BIRC6: variants seen among roughly 807,000 people sequenced by gnomAD.
BIRC6 encodes dual E2 ubiquitin-conjugating enzyme/E3 ubiquitin-protein ligase BIRC6.
Under a neutral mutation model 503.3 loss-of-function variants are expected in BIRC6, and 98 were observed. The observed-to-expected ratio is 0.19, with a 90% CI of 0.17 to 0.23. The LOEUF is 0.23. Among genes scored for constraint, BIRC6 ranks in the 10% least tolerant of loss-of-function variants. The probability of loss-of-function intolerance (pLI) is 1.00; values close to 1 mark genes in which losing one functional copy is unlikely to be tolerated. For missense variants in BIRC6, 5,360 were observed against 5,806.0 expected (o/e 0.92, Z 2.50); for synonymous variants, 2,240 against 2,078.7 (o/e 1.08, Z -2.11).
At chr2:32,565,792 C>G (rs559493415) in intron 65 of BIRC6, 10 of 152,396 alleles carry the variant, frequency 6.6e-5, no homozygotes, top group African/African-American at 2.4e-4. Flanking sequence ...TGTCCTTCTT[C>G]ACATGGCAGC....
rs2044005722 is a variant in BIRC6 at position 32,430,781 on chromosome 2, A to C, written c.3023-84A>C. ...GTTGCAATAGAAAACCTACCCATGA[A>C]TTAAAACTTCACTTCATTGTCTTCT... On this transcript the variant is annotated intron_variant, in intron 11 of 73. Coordinates refer to ENST00000421745, the MANE Select transcript of BIRC6 (RefSeq NM_016252.4). The C allele has an allele frequency of 6.4e-6, 7 of 1,085,364 alleles. No individual in the cohort carries two copies. In the South Asian group the frequency reaches 1.1e-4, roughly 17 times the overall value. 67.2% of individuals were successfully genotyped at this position (1,085,364 alleles called of 1,614,324 possible). A position where few individuals can be genotyped will look rare whatever the true frequency, so the allele number is the denominator to read the frequency against.
At chr2:32,464,454 C>G in intron 24 of BIRC6, 55 bp from the exon 25 acceptor site, 1 of 1,474,990 alleles carries the variant, frequency 6.8e-7, no homozygotes. Context: ...GGTATTCTGC[C>G]ACAATTTAGG....
chr2:32,516,300 G>A (rs1438486244), intron 55 of BIRC6, among the ~76,000 whole-genome samples: 3 of 151,800 alleles, frequency 2.0e-5, no homozygotes, highest in African/African-American at 7.3e-5. Context: ...GATTGCCTGA[G>A]GTCAGGAGTT....
intron 60 of BIRC6, among the ~76,000 whole-genome samples, chr2:32,530,952 T>C (rs1295354886): frequency 6.6e-6 from 1 of 152,266 alleles, no homozygotes; most frequent in Non-Finnish European, 1.5e-5. Context: ...CTTTAGAGCA[T>C]ATTATTTGCT....
chr2:32,411,970 G>A (rs2041940327), intron 9 of BIRC6, among the ~76,000 whole-genome samples: 1 of 152,042 alleles, frequency 6.6e-6, no homozygotes, highest in Non-Finnish European at 1.5e-5. Flanking sequence ...TCTGGAAACG[G>A]GGTTTTACTG....
At chr2:32,584,814 A>G (rs923095636) in intron 66 of BIRC6, among the ~76,000 whole-genome samples, 9 of 152,182 alleles carry the variant, frequency 5.9e-5, no homozygotes, top group African/African-American at 2.2e-4. Context: ...CTTAGTATTC[A>G]CCCATCAAGG....
At chr2:32,447,021 T>G (rs1364652545) in intron 21 of BIRC6, among the ~76,000 whole-genome samples, 1 of 125,032 alleles carries the variant, frequency 8.0e-6, no homozygotes, top group East Asian at 2.2e-4. Flanking sequence ...TTAATCCATT[T>G]AACCCTGAGT....
chr2:32,553,291 G>A (rs1472840921), intron 65 of BIRC6, among the ~76,000 whole-genome samples: 1 of 244 alleles, frequency 4.1e-3, no homozygotes, highest in African/African-American at 0.015. Context: ...AAAGATTTTT[G>A]TGACTAACAG....
At chr2:32,540,929 T>C (rs573817190) in intron 61 of BIRC6, among the ~76,000 whole-genome samples, 3 of 152,168 alleles carry the variant, frequency 2.0e-5, no homozygotes, top group East Asian at 1.9e-4. Context: ...ATCTGTATAA[T>C]GGGTGATGGG....
intron 45 of BIRC6, among the ~76,000 whole-genome samples, chr2:32,496,895 G>A (rs1280520693): frequency 2.6e-5 from 4 of 152,062 alleles, no homozygotes; most frequent in Admixed American, 6.6e-5. Flanking sequence ...GTACTCGTTC[G>A]GACTTCAAGT....
At chr2:32,527,258 TG>T (rs2056351921) in intron 59 of BIRC6, 1 of 152,214 alleles carries the variant, frequency 6.6e-6, no homozygotes, top group South Asian at 2.1e-4. Context: ...ACCAGTGGCT[TG>T]TATGTACTGC....
intron 46 of BIRC6, among the ~76,000 whole-genome samples, chr2:32,500,600 GTTTTTGTTTTT>G (rs2053057116): frequency 9.7e-6 from 1 of 103,046 alleles, no homozygotes; most frequent in African/African-American, 3.2e-5. Flanking sequence ...TTTTGTTTTT[GTTTTTGTTTTT>G]TTTTTTTTTT....
chr2:32,617,664 C>T, intron 73 of BIRC6, 61 bp from the exon 74 acceptor site: 2 of 1,502,776 alleles, frequency 1.3e-6, no homozygotes, highest in Non-Finnish European at 1.8e-6. Flanking sequence ...CAGTTCCTGC[C>T]TCAAATGATG....
chr2:32,573,676 A>G (rs921019319), intron 65 of BIRC6, among the ~76,000 whole-genome samples: 2 of 152,244 alleles, frequency 1.3e-5, no homozygotes, highest in Non-Finnish European at 2.9e-5. Flanking sequence ...ACTCTTAGAT[A>G]CAAATAATTT....
chr2:32,469,299 T>G, intron 29 of BIRC6, 96 bp from the exon 30 acceptor site: 1 of 868,192 alleles, frequency 1.2e-6, no homozygotes, highest in East Asian at 2.7e-5. Context: ...TATCTACTGA[T>G]TACTAGAAAA....
chr2:32,496,255 TTGCTC>T (rs1385830081), intron 45 of BIRC6, among the ~76,000 whole-genome samples: 2 of 152,220 alleles, frequency 1.3e-5, no homozygotes, highest in African/African-American at 4.8e-5. Context: ...TGAGACAACT[TTGCTC>T]TGTCGCCCAG....
In BIRC6 at chr2:32,518,085, TA is replaced by T. The variant is rs376934502; in HGVS notation, c.11350-157del. Among the ~76,000 whole-genome samples, 926 of 145,282 alleles carry T rather than the reference TA, an allele frequency of 6.4e-3. 7 individuals are homozygous for T. Among genetic ancestry groups the T allele is most frequent in the Non-Finnish European group, 9.6e-3 (631 of 65,942 alleles). On this transcript the variant is annotated intron_variant, in intron 55 of 73. Coordinates refer to ENST00000421745, the MANE Select transcript of BIRC6 (RefSeq NM_016252.4). Reference sequence around the variant, plus strand: ...AAGATAAAATCATTTCTTTCCTCCTTAAAAAAAAAAAACTTAACTACTAGAC... The same window carrying T: ...AAGATAAAATCATTTCTTTCCTCCTTAAAAAAAAAAACTTAACTACTAGAC...
intron 26 of BIRC6, 54 bp from the exon 27 acceptor site, chr2:32,467,471 A>G (rs1314798007): frequency 1.5e-6 from 2 of 1,377,410 alleles, no homozygotes; most frequent in Non-Finnish European, 2.1e-6. Flanking sequence ...TTTTGAGTGT[A>G]TCATTTGGTT....
At chr2:32,510,696 G>A (rs1434690277) in intron 53 of BIRC6, 62 bp downstream of exon 53, 10 of 1,129,392 alleles carry the variant, frequency 8.9e-6, no homozygotes, top group Non-Finnish European at 1.3e-5. Context: ...TATAGTAAAT[G>A]TTTCTGACAG....
Sources: allele counts gnomAD v4.1 joint callset (sites outside exome capture counted in the v4.1 genomes callset), GRCh38; gene constraint gnomAD v4.1.1; transcripts MANE v1.5; gene names NCBI Gene and HGNC (gene_info 2026-07-23, HGNC 2026-07-21).